FTO: variants seen among roughly 807,000 people sequenced by gnomAD.
FTO encodes alpha-ketoglutarate-dependent dioxygenase FTO.
FTO carries 47 observed loss-of-function variants against 63.9 expected under a neutral mutation model. The observed-to-expected ratio is 0.74, with a 90% CI of 0.58 to 0.94. FTO has a LOEUF of 0.94. Among genes scored for constraint, FTO ranks in the 40% least tolerant of loss-of-function variants. FTO has a pLI of 0.00. For synonymous variants in FTO, 207 were observed against 224.4 expected (o/e 0.92, Z 0.69); for missense variants, 562 against 618.1 (o/e 0.91, Z 0.96).
At position 53,931,869 on chromosome 16, in the gene FTO, TAA is replaced by T. The variant is rs2082291825; in HGVS notation, c.1240-2114_1240-2113del. On this transcript the variant is annotated intron_variant, in intron 7 of 8. Coordinates refer to ENST00000471389, the MANE Select transcript of FTO (RefSeq NM_001080432.3). ...GATTTACAAAAATCAGTTTTTACAT[TAA>T]ACACACACACACACACACACACACA... is the stretch of plus-strand genomic sequence containing the variant. 8.3e-5 allele frequency among the ~76,000 whole-genome samples: 8 copies of T among 96,476 alleles called. 1 individual carries two copies. In the East Asian group the frequency reaches 2.3e-3, roughly 27 times the overall value. The allele number at this position is 96,476 out of a possible 152,430, so 63.3% of individuals were successfully genotyped here.
chr16:54,009,213 G>A (rs1424284746), intron 8 of FTO, among the ~76,000 whole-genome samples: 2 of 152,102 alleles, frequency 1.3e-5, no homozygotes, highest in African/African-American at 2.4e-5. Flanking sequence ...GTAAACTGTG[G>A]TGTTTGAACC....
chr16:53,977,001 C>G (rs2083449809), intron 8 of FTO, among the ~76,000 whole-genome samples: 1 of 151,972 alleles, frequency 6.6e-6, no homozygotes, highest in African/African-American at 2.4e-5. Flanking sequence ...TTTTTCCTGT[C>G]TTGGCTGATA....
intron 1 of FTO, among the ~76,000 whole-genome samples, chr16:53,715,621 C>G (rs1354202181): frequency 6.6e-6 from 1 of 152,170 alleles, no homozygotes; most frequent in South Asian, 2.1e-4. Context: ...CATATCCGCT[C>G]CGCCTCTTAT....
At chr16:54,053,247 G>T (rs2085352086) in intron 8 of FTO, among the ~76,000 whole-genome samples, 1 of 152,114 alleles carries the variant, frequency 6.6e-6, no homozygotes, top group Non-Finnish European at 1.5e-5. Context: ...TACATCTATG[G>T]GGCTCCTCTT....
intron 1 of FTO, among the ~76,000 whole-genome samples, chr16:53,801,757 T>C (rs564869238): frequency 3.9e-5 from 6 of 151,958 alleles, no homozygotes; most frequent in African/African-American, 1.2e-4. Flanking sequence ...TATTTGGTGT[T>C]ATTCTTTTTT....
At chr16:53,830,515 G>A (rs771767884) in intron 3 of FTO, among the ~76,000 whole-genome samples, 8 of 152,184 alleles carry the variant, frequency 5.3e-5, no homozygotes, top group Non-Finnish European at 8.8e-5. Flanking sequence ...CTGTGAAATT[G>A]TCTTTCTAGA....
chr16:53,921,867 TATAGC>T (rs1408087823), intron 7 of FTO, among the ~76,000 whole-genome samples: 1 of 152,190 alleles, frequency 6.6e-6, no homozygotes, highest in Non-Finnish European at 1.5e-5. Flanking sequence ...GATATATATA[TATAGC>T]ATAACAGTAT....
chr16:53,951,866 G>T lies in FTO; in HGVS notation c.1364+17757G>T, dbSNP rs74022309. 8.7e-3 allele frequency among the ~76,000 whole-genome samples: 1,318 copies of T among 151,934 alleles called. 20 individuals carry two copies. The highest frequency in any genetic ancestry group is 0.031 in the African/African-American group (1,274 of 41,410). ...AAAATGCTAGAAATGCAATAATGTG[G>T]GTGGTTCATGGATATGGCTAAAATC... On this transcript the variant is annotated intron_variant, in intron 8 of 8. Transcript: ENST00000471389.
chr16:54,074,632 G>C (rs1476119344), intron 8 of FTO, among the ~76,000 whole-genome samples: 1 of 152,036 alleles, frequency 6.6e-6, no homozygotes, highest in African/African-American at 2.4e-5. Flanking sequence ...CCTATCATTA[G>C]ACATTTAGGT....
intron 2 of FTO, among the ~76,000 whole-genome samples, chr16:53,819,183 ATATT>A (rs1292687478): frequency 1.3e-5 from 2 of 150,840 alleles, no homozygotes; most frequent in African/African-American, 2.5e-5. Flanking sequence ...GATACAGTTA[ATATT>A]TATTTATTTA....
At chr16:53,937,418 C>T (rs967543109) in intron 8 of FTO, 1 of 394,820 alleles carries the variant, frequency 2.5e-6, no homozygotes, top group Non-Finnish European at 4.5e-6. Flanking sequence ...GATCTGACCC[C>T]TTCTTGACCT....
At chr16:54,033,213 A>T (rs1461260675) in intron 8 of FTO, among the ~76,000 whole-genome samples, 1 of 152,184 alleles carries the variant, frequency 6.6e-6, no homozygotes, top group East Asian at 1.9e-4. Context: ...TTCTGGACTG[A>T]CATTTTTTCA....
chr16:53,840,679 TG>T (rs1399687459), intron 3 of FTO, among the ~76,000 whole-genome samples: 1 of 152,228 alleles, frequency 6.6e-6, no homozygotes, highest in African/African-American at 2.4e-5. Context: ...GGGACTGATT[TG>T]CCTGTGATCT....
chr16:53,940,138 A>G lies in FTO; in HGVS notation c.1364+6029A>G, dbSNP rs139482969. On this transcript the variant is annotated intron_variant, in intron 8 of 8. Transcript: ENST00000471389. Reference sequence around the variant, plus strand: ...AACGCACAAAGTTTCCCATTTTTCTATGTCCTTGTCGTTACCTGTTATTTT... The same window carrying G: ...AACGCACAAAGTTTCCCATTTTTCTGTGTCCTTGTCGTTACCTGTTATTTT... Among the ~76,000 whole-genome samples, 454 of 151,892 alleles carry G rather than the reference A, an allele frequency of 3.0e-3. 1 individual carries two copies. The highest frequency in any genetic ancestry group is 0.011 in the African/African-American group (437 of 41,450).
At chr16:53,881,127 A>AAATG (rs1323941540) in intron 6 of FTO, among the ~76,000 whole-genome samples, 1 of 148,754 alleles carries the variant, frequency 6.7e-6, no homozygotes, top group East Asian at 2.0e-4. Flanking sequence ...GTCTCAAAAT[A>AAATG]AATAAATAAA....
intron 1 of FTO, among the ~76,000 whole-genome samples, chr16:53,704,610 C>G (rs979318446): frequency 1.3e-5 from 2 of 152,164 alleles, no homozygotes; most frequent in Non-Finnish European, 2.9e-5. Context: ...GATGAAATAT[C>G]TGTGCAGTCA....
chr16:53,857,110 G>T (rs1567366974), intron 4 of FTO, among the ~76,000 whole-genome samples: 1 of 152,012 alleles, frequency 6.6e-6, no homozygotes, highest in African/African-American at 2.4e-5. Flanking sequence ...AGGTTCAAGG[G>T]ATACATATGC....
At chr16:53,771,092 G>A (rs766037325) in intron 1 of FTO, among the ~76,000 whole-genome samples, 2 of 152,108 alleles carry the variant, frequency 1.3e-5, no homozygotes, top group Non-Finnish European at 2.9e-5. Flanking sequence ...TTTCGCGAAA[G>A]GGATTGGCAA....
chr16:53,869,038 G>A (rs2080412772), intron 4 of FTO, among the ~76,000 whole-genome samples: 1 of 151,996 alleles, frequency 6.6e-6, no homozygotes, highest in South Asian at 2.1e-4. Flanking sequence ...TACCATGTTG[G>A]TCAGGCTGGT....
Sources: gnomAD v4.1 joint callset for allele counts (sites outside exome capture counted in the v4.1 genomes callset) on GRCh38, gnomAD v4.1.1 for gene constraint, MANE v1.5 for transcripts, NCBI Gene and HGNC (gene_info 2026-07-23, HGNC 2026-07-21) for gene names.